Variants in SANBR observed in about 807,000 individuals in gnomAD.
SANBR encodes SANT and BTB domain regulator of class switch recombination.
Under a neutral mutation model 101.8 loss-of-function variants are expected in SANBR, and 77 were observed. The ratio of observed to expected loss-of-function variants is 0.76; its 90% CI spans 0.63 to 0.91. The LOEUF is 0.91. Ranked by LOEUF, SANBR falls within the 40% of genes least tolerant of loss-of-function variation. The pLI is 0.00. For missense variants in SANBR, 875 were observed against 853.0 expected (o/e 1.03, Z -0.32); for synonymous variants, 279 against 274.7 (o/e 1.02, Z -0.15).
chr2:61,095,617 GT>G (rs1426270369), intron 11 of SANBR, among the ~76,000 whole-genome samples: 4 of 152,082 alleles, frequency 2.6e-5, no homozygotes, highest in African/African-American at 9.7e-5. Flanking sequence ...TTACTAACTT[GT>G]TTTTGTTTTT....
intron 5 of SANBR, 138 bp downstream of exon 5, chr2:61,073,689 TTGAAC>T: frequency 2.3e-6 from 1 of 436,704 alleles, no homozygotes; most frequent in Non-Finnish European, 4.1e-6. Flanking sequence ...AGTTCATGTG[TTGAAC>T]TGACCGAAAC....
At chr2:61,109,340 G>C (rs1362701263) in intron 16 of SANBR, 44 bp downstream of exon 16, 1 of 1,135,050 alleles carries the variant, frequency 8.8e-7, no homozygotes. Context: ...GTTTATGAAG[G>C]GGTTACATTC....
chr2:61,126,903 C>T (rs1357244110), downstream of SANBR, among the ~76,000 whole-genome samples: 1 of 152,092 alleles, frequency 6.6e-6, no homozygotes, highest in East Asian at 1.9e-4. Flanking sequence ...CTTTTCTGTT[C>T]CTTGACATTA....
chr2:61,088,916 T>G (rs1682596385), intron 10 of SANBR: 1 of 910,898 alleles, frequency 1.1e-6, no homozygotes, highest in African/African-American at 1.8e-5. Context: ...TATCCAACTT[T>G]CATTTAGAAA....
chr2:61,096,759 A>T (rs1683050476), intron 11 of SANBR, among the ~76,000 whole-genome samples: 1 of 152,152 alleles, frequency 6.6e-6, no homozygotes, highest in Non-Finnish European at 1.5e-5. Context: ...GTTTAATTTG[A>T]CAATTAAACC....
intron 12 of SANBR, among the ~76,000 whole-genome samples, chr2:61,099,087 TAGTG>T (rs1559113783): frequency 1.3e-5 from 2 of 152,164 alleles, no homozygotes; most frequent in African/African-American, 2.4e-5. Context: ...AGAAGGAACA[TAGTG>T]AGTAAAAGAG....
chr2:61,070,998 A>G (rs546686580), intron 3 of SANBR, among the ~76,000 whole-genome samples: 7 of 151,882 alleles, frequency 4.6e-5, no homozygotes, highest in African/African-American at 1.7e-4. Flanking sequence ...CTGAGATTAC[A>G]GGCATGATCC....
At chr2:61,115,935 A>G in intron 16 of SANBR, 44 bp from the exon 17 acceptor site, 1 of 1,230,718 alleles carries the variant, frequency 8.1e-7, no homozygotes, top group Non-Finnish European at 1.2e-6. Context: ...GGACTGGAAA[A>G]GTATATGGGG....
At chr2:61,070,859 G>A (rs1297252991) in intron 3 of SANBR, among the ~76,000 whole-genome samples, 2 of 150,826 alleles carry the variant, frequency 1.3e-5, no homozygotes, top group African/African-American at 4.9e-5. Context: ...CTGCAGCCTC[G>A]ACCTTTGAAG....
rs1684444067 is a variant in SANBR, at chr2:61,124,153, A to G, written c.*1991A>G. ...TTGTTAATGTTTGTCTGTTATACAT[A>G]GCACTGGTACCGCAAACATTTTACT... On this transcript the variant is annotated 3_prime_UTR_variant, in exon 22 of 22. Coordinates refer to ENST00000402291, the MANE Select transcript of SANBR (RefSeq NM_001129993.3). 1 of 982,100 alleles carries G rather than the reference A, an allele frequency of 1.0e-6. No homozygotes were observed. The allele number at this position is 982,100 out of a possible 1,614,324, so 60.8% of individuals were successfully genotyped here.
At chr2:61,073,626 C>A in intron 5 of SANBR, 75 bp downstream of exon 5, 1 of 816,260 alleles carries the variant, frequency 1.2e-6, no homozygotes, top group Non-Finnish European at 1.9e-6. Flanking sequence ...TGGTGGTTAC[C>A]ATAAGGTAGG....
chr2:61,083,306 A>T lies in SANBR; in HGVS notation c.882A>T (p.Lys294Asn). 6.3e-7 allele frequency: 1 copy of T among 1,585,834 alleles called. No individual in the cohort carries two copies. The highest frequency in any genetic ancestry group is 8.6e-7 in the Non-Finnish European group (1 of 1,159,600). Residue 294 changes from lysine to asparagine, a missense_variant, in exon 8 of 22, where the codon AAA becomes AAT. Lys to Asn is a moderately conservative substitution (Grantham distance 94). Transcript: ENST00000402291. Reference protein sequence around the residue: ...EVDDLKDKKDKFKSKLFCKKI... With the variant: ...EVDDLKDKKDNFKSKLFCKKI... ...ATGATTTAAAGGACAAAAAAGATAA[A>T]TTTAAAAGGTAATTTCAAAAGTTTA... is the stretch of plus-strand genomic sequence containing the variant.
At chr2:61,114,878 A>T (rs1361013881) in intron 16 of SANBR, among the ~76,000 whole-genome samples, 1 of 152,104 alleles carries the variant, frequency 6.6e-6, no homozygotes, top group Admixed American at 6.5e-5. Flanking sequence ...GATGTTCTTG[A>T]ACTCCTAGCC....
chr2:61,067,038 C>T (rs1242421335), intron 1 of SANBR, among the ~76,000 whole-genome samples: 1 of 151,950 alleles, frequency 6.6e-6, no homozygotes, highest in Non-Finnish European at 1.5e-5. Context: ...TTTATACTTT[C>T]CTGAATGAGG....
At chr2:61,120,398 G>A (rs1214441048) in intron 20 of SANBR, among the ~76,000 whole-genome samples, 1 of 152,142 alleles carries the variant, frequency 6.6e-6, no homozygotes, top group Admixed American at 6.5e-5. Context: ...TACTCAGGAG[G>A]CTGAGGCAGG....
At chr2:61,115,701 G>A (rs1390917260) in intron 16 of SANBR, 2 of 205,418 alleles carry the variant, frequency 9.7e-6, no homozygotes, top group South Asian at 1.0e-4. Context: ...GCAGTGAGCC[G>A]AGATCATGCC....
At chr2:61,125,673 A>G (rs1287281254), downstream of SANBR, among the ~76,000 whole-genome samples, 1 of 152,226 alleles carries the variant, frequency 6.6e-6, no homozygotes, top group Non-Finnish European at 1.5e-5. Context: ...TCATGAACAC[A>G]GCCAATTCTT....
intron 21 of SANBR, among the ~76,000 whole-genome samples, chr2:61,136,988 C>T (rs1177193621): frequency 6.6e-6 from 1 of 151,252 alleles, no homozygotes; most frequent in South Asian, 2.1e-4. Flanking sequence ...ACAACAACAA[C>T]AACGATAATA....
intron 12 of SANBR, among the ~76,000 whole-genome samples, chr2:61,101,076 C>G (rs994768889): frequency 1.3e-5 from 2 of 152,112 alleles, no homozygotes; most frequent in Non-Finnish European, 2.9e-5. Flanking sequence ...CGGTCACCAA[C>G]TTTGATTACT....
Sources: gnomAD v4.1 joint callset for allele counts (sites outside exome capture counted in the v4.1 genomes callset) on GRCh38, gnomAD v4.1.1 for gene constraint, MANE v1.5 for transcripts, NCBI Gene and HGNC (gene_info 2026-07-23, HGNC 2026-07-21) for gene names.